KRT9: variants seen among roughly 807,000 people sequenced by gnomAD.
KRT9 encodes keratin 9.
A neutral mutation model predicts 51.4 loss-of-function variants in KRT9; 34 were observed. That is an observed-to-expected ratio of 0.66 (90% CI 0.50 to 0.88). The LOEUF (loss-of-function observed/expected upper bound fraction) is 0.88, where lower values mean the gene tolerates loss of function less well. Among genes scored for constraint, KRT9 ranks in the 40% least tolerant of loss-of-function variants. The probability of loss-of-function intolerance (pLI) is 0.00; values close to 1 mark genes in which losing one functional copy is unlikely to be tolerated. For synonymous variants in KRT9, 292 were observed against 289.7 expected (o/e 1.01, Z -0.08); for missense variants, 753 against 790.3 (o/e 0.95, Z 0.57).
In KRT9 at chr17:41,572,032, G is replaced by A. The variant is rs1219275241; in HGVS notation, c.-40C>T. On this transcript the variant is annotated 5_prime_UTR_variant, in exon 1 of 8. Transcript: ENST00000246662. ...CTCACGGGTTGAGAAGCAGTGATAG[G>A]AGTGCTACCGGCTCCCAAGTGCAGG... The A allele has an allele frequency of 2.6e-6, 4 of 1,546,262 alleles. No homozygotes were observed. The highest frequency in any genetic ancestry group is 3.5e-6 in the Non-Finnish European group (4 of 1,151,160).
rs889978271 is a variant in KRT9, at chr17:41,569,343, G to A, written c.1044+83C>T. The stretch of plus-strand genomic sequence containing the variant: ...TGCACTGAGAGATGCAGAGATAGGA[G>A]GATGAAGGAATGGGAGGTGGGAGGG... On this transcript the variant is annotated intron_variant, in intron 4 of 7. Transcript: ENST00000246662. 10 of 1,338,642 alleles carry A rather than the reference G, an allele frequency of 7.5e-6. No homozygotes were observed. The African/African-American group carries it at 8.7e-5, about 12-fold the overall frequency. 82.9% of individuals were successfully genotyped at this position (1,338,642 alleles called of 1,614,324 possible). A position where few individuals can be genotyped will look rare whatever the true frequency, so the allele number is the denominator to read the frequency against.
intron 6 of KRT9, 43 bp downstream of exon 6, chr17:41,568,119 C>A (rs1906939498): frequency 6.5e-7 from 1 of 1,528,302 alleles, no homozygotes; most frequent in Non-Finnish European, 9.0e-7. Context: ...GTATCAGAGG[C>A]CTAGGGACCC....
In KRT9 at chr17:41,569,466, G is replaced by T; in HGVS notation, c.1004C>A (p.Ala335Asp). ...ATTCTCGATGTCCTTTCTGTTCTTA[G>T]CAATGAGCTGCTCATACTCCTGACG... ...DMRQEYEQLI[A>D]KNRKDIENQY... is the part of the protein sequence containing the mutation. The change falls in exon 4 of 8, where the codon GCT becomes GAT. Residue 335 changes from alanine (A) to aspartate (D), a missense_variant. Around this residue, in one of 3 missense-constraint regions of KRT9, gnomAD observed 507 missense variants for 563.7 expected, o/e 0.90. Coordinates refer to ENST00000246662, the MANE Select transcript of KRT9 (RefSeq NM_000226.4). The T allele has an allele frequency of 6.2e-7, 1 of 1,614,154 alleles. No homozygotes were observed. Among genetic ancestry groups the T allele is most frequent in the Non-Finnish European group, 8.5e-7 (1 of 1,180,028 alleles).
At chr17:41,571,219 A>G in intron 1 of KRT9, 132 bp downstream of exon 1, 1 of 901,658 alleles carries the variant, frequency 1.1e-6, no homozygotes, top group South Asian at 1.3e-5. Flanking sequence ...TTTGTTTCTG[A>G]TGAAAGCGTA....
chr17:41,569,301 G>A (rs182564002), intron 4 of KRT9, 125 bp downstream of exon 4: 7 of 967,440 alleles, frequency 7.2e-6, no homozygotes, highest in South Asian at 7.0e-5. Context: ...TCCATTGGAA[G>A]ATGGATAAAT....
Position 41,569,431 on chromosome 17 carries a change from T to A in KRT9, c.1039A>T (p.Thr347Ser). ...NRKDIENQYETQITQIEHEVS... is the reference protein window; with the variant it reads ...NRKDIENQYESQITQIEHEVS... ...GGGCAGCCCACTCTGCTCACCTGAG[T>A]CTCATATTGATTCTCGATGTCCTTT... Residue 347 changes from threonine to serine, a missense_variant, in exon 4 of 8, where the codon ACT becomes TCT. By Grantham distance (58) the Thr-to-Ser change is moderately conservative. Transcript: ENST00000246662. 6.2e-7 allele frequency: 1 copy of A among 1,613,760 alleles called. No homozygotes were observed. Among genetic ancestry groups the A allele is most frequent in the Non-Finnish European group, 8.5e-7 (1 of 1,179,918 alleles).
In KRT9 at chr17:41,570,099, G is replaced by A. The variant is rs745564795; in HGVS notation, c.725+39C>T. On this transcript the variant is annotated intron_variant, in intron 2 of 7. Coordinates refer to ENST00000246662, the MANE Select transcript of KRT9 (RefSeq NM_000226.4). The stretch of plus-strand genomic sequence containing the variant: ...CCAGAGCACTGAGGTTCAGGGGTAA[G>A]GGCTGATGACAGGAGAGGAGAAGAG... 6 of 1,612,552 alleles carry A rather than the reference G, an allele frequency of 3.7e-6. No homozygotes were observed. The East Asian group carries it at 1.1e-4, about 30-fold the overall frequency.
rs919561396 is a variant in KRT9, at chr17:41,566,051, G to A, written c.*142C>T. On this transcript the variant is annotated 3_prime_UTR_variant, in exon 8 of 8. Transcript: ENST00000246662. ...TGTTGCCAGCTATTCCTGATGTCAGGATCCAATAAGCAGGCTTCATCGGGA... is the reference window on the plus strand; with the variant it reads ...TGTTGCCAGCTATTCCTGATGTCAGAATCCAATAAGCAGGCTTCATCGGGA... The A allele has an allele frequency of 6.5e-6, 1 of 152,748 alleles. No homozygotes were observed. The highest frequency in any genetic ancestry group is 1.5e-5 in the Non-Finnish European group (1 of 68,096). The allele number at this position is 152,748 out of a possible 1,614,324, so 9.5% of individuals were successfully genotyped here. A position where few individuals can be genotyped will look rare whatever the true frequency, so the allele number is the denominator to read the frequency against.
chr17:41,571,310 A>G (rs1210136459), intron 1 of KRT9, 41 bp downstream of exon 1: 1 of 1,555,716 alleles, frequency 6.4e-7, no homozygotes, highest in African/African-American at 1.4e-5. Context: ...TAAAGAATGA[A>G]AGAGAAAGAG....
At chr17:41,567,093 G>A (rs1472669307) in intron 7 of KRT9, 140 bp downstream of exon 7, 20 of 1,379,338 alleles carry the variant, frequency 1.4e-5, no homozygotes, top group East Asian at 2.3e-5. Context: ...ACCAAGGGTA[G>A]GTCTCTGACA....
chr17:41,570,100 G>A, intron 2 of KRT9, 38 bp downstream of exon 2: 5 of 1,612,198 alleles, frequency 3.1e-6, no homozygotes, highest in Non-Finnish European at 4.2e-6. Context: ...CAGGGGTAAG[G>A]GCTGATGACA....
chr17:41,569,440 G>T lies in KRT9; in HGVS notation c.1030C>A (p.Gln344Lys). Residue 344 changes from glutamine to lysine, a missense_variant, in exon 4 of 8, where the codon CAA (glutamine) becomes AAA (lysine). Physicochemically the swap from Gln to Lys is moderately conservative, Grantham distance 53. Around this residue, in one of 3 missense-constraint regions of KRT9, gnomAD observed 507 missense variants for 563.7 expected, o/e 0.90. Coordinates refer to ENST00000246662, the MANE Select transcript of KRT9 (RefSeq NM_000226.4). ...IAKNRKDIEN[Q>K]YETQITQIEH... is the part of the protein sequence containing the mutation. ...ACTCTGCTCACCTGAGTCTCATATT[G>T]ATTCTCGATGTCCTTTCTGTTCTTA... 2 of 1,614,078 alleles carry T rather than the reference G, an allele frequency of 1.2e-6. No individual in the cohort carries two copies. The highest frequency in any genetic ancestry group is 1.7e-6 in the Non-Finnish European group (2 of 1,180,000).
chr17:41,567,209 C>T, intron 7 of KRT9, 24 bp downstream of exon 7: 1 of 1,613,798 alleles, frequency 6.2e-7, no homozygotes, highest in Non-Finnish European at 8.5e-7. Context: ...ACTCTCCACC[C>T]CACAACCTAG....
At chr17:41,570,327 T>G in intron 1 of KRT9, 107 bp from the exon 2 acceptor site, 2 of 947,710 alleles carry the variant, frequency 2.1e-6, no homozygotes, top group Admixed American at 3.4e-5. Flanking sequence ...AGGAAGATTC[T>G]CAAGAGGAAT....
chr17:41,566,640 T>C (rs1567730837), intron 7 of KRT9, among the ~76,000 whole-genome samples: 1 of 152,256 alleles, frequency 6.6e-6, no homozygotes, highest in Non-Finnish European at 1.5e-5. Context: ...TTTATAAAAT[T>C]CAATGTGTAC....
Position 41,571,904 on chromosome 17 carries a change from G to A in KRT9, c.89C>T (p.Ser30Phe). The A allele has an allele frequency of 6.2e-7, 1 of 1,605,222 alleles. No individual in the cohort carries two copies. Among genetic ancestry groups the A allele is most frequent in the South Asian group, 1.1e-5 (1 of 89,812 alleles). Residue 30 changes from serine (S) to phenylalanine (F), a missense_variant, in exon 1 of 8, where the codon TCT becomes TTT. Ser to Phe is a radical substitution (Grantham distance 155). Coordinates refer to ENST00000246662, the MANE Select transcript of KRT9 (RefSeq NM_000226.4). ...TGAGGAGCTGAAGCGGCTGTAGGAA[G>A]ACCTTATGCTGCCCCCGCTGCCCAG... ...GGLGSGGSIR[S>F]SYSRFSSSGG...
chr17:41,571,656 C>T lies in KRT9; in HGVS notation c.337G>A (p.Gly113Ser). 6.2e-7 allele frequency: 1 copy of T among 1,604,572 alleles called. No individual in the cohort carries two copies. Among genetic ancestry groups the T allele is most frequent in the Non-Finnish European group, 8.5e-7 (1 of 1,175,314 alleles). ...GGYSSSGGFGGGFGGGSGGGF... is the reference protein window; with the variant it reads ...GGYSSSGGFGSGFGGGSGGGF... ...CCTCCAGAACCACCACCAAAGCCAC[C>T]TCCAAAACCCCCAGAACTACTATAG... The change falls in exon 1 of 8, where the codon GGT becomes AGT. Residue 113 changes from glycine (G) to serine (S), a missense_variant. Physicochemically the swap from Gly to Ser is moderately conservative, Grantham distance 56. Around this residue, in one of 3 missense-constraint regions of KRT9, gnomAD observed 241 missense variants for 210.3 expected, o/e 1.15. Transcript: ENST00000246662.
In KRT9 at chr17:41,568,171, T is replaced by C; in HGVS notation, c.1385A>G (p.Gln462Arg). ...ETYHNLLEGGQEDFESSGAGK... is the reference protein window; with the variant it reads ...ETYHNLLEGGREDFESSGAGK... The stretch of plus-strand genomic sequence containing the variant: ...ATCCTGGGGGACCTACAAGTCTTCC[T>C]GGCCTCCCTCAAGGAGGTTGTGGTA... Residue 462 changes from glutamine (Q) to arginine (R), a missense_variant, in exon 6 of 8, where the codon CAG becomes CGG. Transcript: ENST00000246662. 1.9e-6 allele frequency: 3 copies of C among 1,613,606 alleles called. No homozygotes were observed. The highest frequency in any genetic ancestry group is 2.5e-6 in the Non-Finnish European group (3 of 1,179,922).
intron 1 of KRT9, among the ~76,000 whole-genome samples, chr17:41,570,882 G>A (rs765775191): frequency 6.6e-6 from 1 of 152,198 alleles, no homozygotes; most frequent in Non-Finnish European, 1.5e-5. Flanking sequence ...GGAAGGGATA[G>A]ATGGAAGGAT....
Sources: allele counts gnomAD v4.1 joint callset (sites outside exome capture counted in the v4.1 genomes callset), GRCh38; gene constraint gnomAD v4.1.1; regional missense constraint gnomAD v4.1.1; transcripts MANE v1.5; gene names NCBI Gene and HGNC (gene_info 2026-07-23, HGNC 2026-07-21).